The following PCDH15 variants were observed in gnomAD, a reference collection of about 807,000 sequenced individuals.
PCDH15 encodes protocadherin-15.
A neutral mutation model predicts 178.5 loss-of-function variants in PCDH15; 129 were observed. The observed-to-expected ratio is 0.72, with a 90% CI of 0.63 to 0.84. The LOEUF is 0.84. Among genes scored for constraint, PCDH15 ranks in the 40% least tolerant of loss-of-function variants. The pLI is 0.00. For synonymous variants in PCDH15, 800 were observed against 732.0 expected (o/e 1.09, Z -1.50); for missense variants, 2,230 against 2,099.9 (o/e 1.06, Z -1.21).
chr10:55,368,187 G>A (rs548318214), intron 2 of PCDH15, among the ~76,000 whole-genome samples: 12 of 152,102 alleles, frequency 7.9e-5, no homozygotes, highest in African/African-American at 2.9e-4. Flanking sequence ...TTATTTTTAT[G>A]AATAGACATA....
At chr10:53,907,376 A>G (rs975788925) in intron 25 of PCDH15, among the ~76,000 whole-genome samples, 3 of 152,230 alleles carry the variant, frequency 2.0e-5, no homozygotes, top group African/African-American at 7.2e-5. Context: ...ATAGAAAAAT[A>G]ATGTTAAGGG....
chr10:55,133,539 TGAACCTCTA>T lies in PCDH15; in HGVS notation c.-80+33028_-80+33036del, dbSNP rs1838109722. Among the ~76,000 whole-genome samples the T allele has an allele frequency of 2.6e-5, 4 of 152,272 alleles. No individual in the cohort carries two copies. In the South Asian group the frequency reaches 8.3e-4, roughly 32 times the overall value. On this transcript the variant is annotated intron_variant, in intron 2 of 5. Coordinates refer to the PCDH15 transcript ENST00000458638. ...CTTTAAAAACCATGTCTGTGGCTGA[TGAACCTCTA>T]TTGTACATCTCTAGCCCTGACCTCT...
At position 55,389,832 on chromosome 10, in the gene PCDH15, G is replaced by A. The variant is rs73255782; in HGVS notation, c.-155-223181C>T. Among the ~76,000 whole-genome samples the A allele has an allele frequency of 6.7e-3, 1,016 of 151,946 alleles. 15 individuals carry two copies. The highest frequency in any genetic ancestry group is 0.023 in the African/African-American group (961 of 41,456). ...ATTAAATACCAAAAAATGCCATATCGGTGAAACATTTTAAAAATAAATATC... is the reference window on the plus strand; with the variant it reads ...ATTAAATACCAAAAAATGCCATATCAGTGAAACATTTTAAAAATAAATATC... On this transcript the variant is annotated intron_variant, in intron 2 of 5. Coordinates refer to the PCDH15 transcript ENST00000613346.
rs1841025689 is a variant in PCDH15, at chr10:53,804,196, A to G, written c.*2383T>C. 1 of 151,980 alleles carries G rather than the reference A, an allele frequency of 6.6e-6. No individual in the cohort carries two copies. Among genetic ancestry groups the G allele is most frequent in the South Asian group, 2.1e-4 (1 of 4,830 alleles). 9.4% of individuals were successfully genotyped at this position (151,980 alleles called of 1,614,324 possible). A position where few individuals can be genotyped will look rare whatever the true frequency, so the allele number is the denominator to read the frequency against. On this transcript the variant is annotated 3_prime_UTR_variant, in exon 38 of 38. Coordinates refer to ENST00000644397, the MANE Select transcript of PCDH15 (RefSeq NM_001384140.1). ...TTATACTATCTCCATTAAGTAACAG[A>G]TGATTGACCTCATGATTGTTTTTAC...
intron 2 of PCDH15, among the ~76,000 whole-genome samples, chr10:54,991,371 C>T (rs909918593): frequency 6.6e-6 from 1 of 151,992 alleles, no homozygotes; most frequent in Non-Finnish European, 1.5e-5. Context: ...TTTTCTCAAC[C>T]TTAGAAATAG....
chr10:54,955,787 T>C (rs1838470408), intron 2 of PCDH15, among the ~76,000 whole-genome samples: 1 of 151,296 alleles, frequency 6.6e-6, no homozygotes, highest in South Asian at 2.1e-4. Flanking sequence ...TTGACACTTG[T>C]AGCAGCGCAA....
chr10:53,921,654 C>T (rs376224419), intron 25 of PCDH15, among the ~76,000 whole-genome samples: 6 of 152,106 alleles, frequency 3.9e-5, no homozygotes, highest in African/African-American at 1.4e-4. Context: ...AATGGCACTG[C>T]CCAAAAAGGA....
chr10:54,810,361 T>C (rs2072597170), intron 3 of PCDH15, among the ~76,000 whole-genome samples: 1 of 152,146 alleles, frequency 6.6e-6, no homozygotes, highest in African/African-American at 2.4e-5. Flanking sequence ...ATTTTCCTTA[T>C]TACAGGAGTA....
intron 1 of PCDH15, among the ~76,000 whole-genome samples, chr10:54,756,996 TA>T (rs767563754): frequency 2.2e-3 from 82 of 37,604 alleles, no homozygotes; most frequent in Non-Finnish European, 3.9e-3. Context: ...TGCTTGGCTT[TA>T]TGAAGCAAGC....
chr10:54,519,848 C>T (rs1379304872), intron 3 of PCDH15, among the ~76,000 whole-genome samples: 1 of 152,126 alleles, frequency 6.6e-6, no homozygotes, highest in Non-Finnish European at 1.5e-5. Context: ...CAGCATAGTA[C>T]TGGTACCAAA....
At chr10:55,371,214 G>A (rs1041661308) in intron 2 of PCDH15, among the ~76,000 whole-genome samples, 13 of 151,950 alleles carry the variant, frequency 8.6e-5, no homozygotes, top group African/African-American at 2.4e-4. Context: ...TTAATTATAG[G>A]GAGACTACTA....
chr10:54,089,500 A>T (rs557177446), intron 16 of PCDH15, among the ~76,000 whole-genome samples: 1 of 152,324 alleles, frequency 6.6e-6, no homozygotes, highest in East Asian at 1.9e-4. Flanking sequence ...TCAGAGAGAT[A>T]AGTAGAATGA....
chr10:54,691,326 G>A (rs749957371), intron 1 of PCDH15, among the ~76,000 whole-genome samples: 6 of 151,994 alleles, frequency 3.9e-5, no homozygotes, highest in Admixed American at 2.0e-4. Flanking sequence ...GGCTGGGGAA[G>A]TCAATAACCA....
chr10:54,076,757 T>G (rs979836555), intron 17 of PCDH15, among the ~76,000 whole-genome samples: 2 of 152,016 alleles, frequency 1.3e-5, no homozygotes, highest in Admixed American at 1.3e-4. Context: ...CAATGACCAA[T>G]AGAATGTGAC....
chr10:54,383,677 A>AT (rs1405516622), intron 3 of PCDH15, among the ~76,000 whole-genome samples: 17 of 147,368 alleles, frequency 1.2e-4, no homozygotes, highest in Admixed American at 4.1e-4. Flanking sequence ...CAACATAATG[A>AT]TTAAAGTGGG....
rs187426133 is a variant in PCDH15 at position 55,142,850 on chromosome 10, G to C, written c.-80+23726C>G. On this transcript the variant is annotated intron_variant, in intron 2 of 5. Transcript: ENST00000458638. Reference sequence around the variant, plus strand: ...GGGGAGCAGGATAAGAAATTTGAGAGATGGAGTGAAGAAATAAATGAGAAG... The same window carrying C: ...GGGGAGCAGGATAAGAAATTTGAGACATGGAGTGAAGAAATAAATGAGAAG... Among the ~76,000 whole-genome samples, 168 of 151,942 alleles carry C rather than the reference G, an allele frequency of 1.1e-3. 2 individuals carry two copies. The highest frequency in any genetic ancestry group is 0.01 in the Middle Eastern group (3 of 294).
chr10:55,067,933 G>A (rs568770818), intron 2 of PCDH15, among the ~76,000 whole-genome samples: 44 of 151,816 alleles, frequency 2.9e-4, no homozygotes, highest in South Asian at 2.3e-3. Context: ...TTTTTAATGC[G>A]ATTATTTGTT....
At chr10:53,966,442 T>A (rs558775342) in intron 21 of PCDH15, among the ~76,000 whole-genome samples, 1 of 152,160 alleles carries the variant, frequency 6.6e-6, no homozygotes, top group Non-Finnish European at 1.5e-5. Context: ...CCTCCCTCCT[T>A]TCCTTTCTTT....
intron 9 of PCDH15, among the ~76,000 whole-genome samples, chr10:54,217,584 G>GT (rs1476172322): frequency 1.3e-5 from 2 of 152,126 alleles, no homozygotes; most frequent in Non-Finnish European, 2.9e-5. Context: ...AACACCTATG[G>GT]TTTTGATTTT....
Sources: gnomAD v4.1 joint callset for allele counts (sites outside exome capture counted in the v4.1 genomes callset) on GRCh38, gnomAD v4.1.1 for gene constraint, MANE v1.5 for transcripts, NCBI Gene and HGNC (gene_info 2026-07-23, HGNC 2026-07-21) for gene names.